EFNA5: variants seen among roughly 807,000 people sequenced by gnomAD.
EFNA5 encodes the protein ephrin A5.
Under a neutral mutation model 22.9 loss-of-function variants are expected in EFNA5, and 5 were observed. The ratio of observed to expected loss-of-function variants is 0.22; its 90% CI spans 0.11 to 0.46. The LOEUF (loss-of-function observed/expected upper bound fraction) is 0.46, where lower values mean the gene tolerates loss of function less well. EFNA5 is among the 20% of genes least tolerant of loss of function. EFNA5 has a pLI of 0.99. For missense variants in EFNA5, 237 were observed against 293.3 expected (o/e 0.81, Z 1.40); for synonymous variants, 113 against 112.2 (o/e 1.01, Z -0.04).
chr5:107,395,157 G>T (rs1747889447), intron 2 of EFNA5, among the ~76,000 whole-genome samples: 2 of 147,644 alleles, frequency 1.4e-5, no homozygotes, highest in Admixed American at 7.0e-5. Flanking sequence ...TCCTGTCTCA[G>T]CCTCCTGAGT....
chr5:107,392,346 ACT>A (rs929371494), intron 2 of EFNA5, among the ~76,000 whole-genome samples: 2 of 152,034 alleles, frequency 1.3e-5, no homozygotes, highest in African/African-American at 2.4e-5. Flanking sequence ...TCTAGTGAAC[ACT>A]CTCTCTTTTG....
At chr5:107,566,658 C>G (rs1233099850) in intron 1 of EFNA5, among the ~76,000 whole-genome samples, 1 of 152,196 alleles carries the variant, frequency 6.6e-6, no homozygotes, top group African/African-American at 2.4e-5. Flanking sequence ...ACATCACACA[C>G]TTAAAAAAAG....
At chr5:107,525,604 T>C (rs1747679281) in intron 1 of EFNA5, among the ~76,000 whole-genome samples, 1 of 152,334 alleles carries the variant, frequency 6.6e-6, no homozygotes, top group Non-Finnish European at 1.5e-5. Flanking sequence ...AGGAAAACAT[T>C]ATTAGGAAAA....
At chr5:107,640,338 A>G (rs114100237) in intron 1 of EFNA5, among the ~76,000 whole-genome samples, 1,541 of 151,670 alleles carry the variant, frequency 0.01, 25 homozygotes, top group African/African-American at 0.035. Flanking sequence ...ATGTTAAGAG[A>G]AAAAAAAAGG....
At chr5:107,574,899 G>A (rs1310272593) in intron 1 of EFNA5, among the ~76,000 whole-genome samples, 1 of 152,148 alleles carries the variant, frequency 6.6e-6, no homozygotes, top group Non-Finnish European at 1.5e-5. Context: ...AAAAAATGCA[G>A]TTGCACTAAA....
chr5:107,534,948 T>C lies in EFNA5; in HGVS notation c.126-107439A>G, dbSNP rs150478155. ...ATAAAAGCATAATGAAAGTTTGCCA[T>C]GAAGGAAAATATTCCATTTTCTTTT... On this transcript the variant is annotated intron_variant, in intron 1 of 4. Coordinates refer to ENST00000333274, the MANE Select transcript of EFNA5 (RefSeq NM_001962.3). Among the ~76,000 whole-genome samples the C allele has an allele frequency of 1.8e-3, 280 of 152,362 alleles. 1 individual carries two copies. Among genetic ancestry groups the C allele is most frequent in the South Asian group, 9.5e-3 (46 of 4,830 alleles).
chr5:107,397,084 A>ATT lies in EFNA5; in HGVS notation c.419-9314_419-9313insAA, dbSNP rs146839603. On this transcript the variant is annotated intron_variant, in intron 2 of 4. Coordinates refer to ENST00000333274, the MANE Select transcript of EFNA5 (RefSeq NM_001962.3). ...TATAAATGTTCTCACTCCACTCTTT[A>ATT]ATTTTTTTTTTTGTATACTATTTGG... 2.9e-3 allele frequency among the ~76,000 whole-genome samples: 419 copies of ATT among 142,870 alleles called. 2 individuals are homozygous for ATT. Among genetic ancestry groups the ATT allele is most frequent in the African/African-American group, 8.5e-3 (308 of 36,384 alleles). 93.7% of individuals were successfully genotyped at this position (142,870 alleles called of 152,430 possible). A position where few individuals can be genotyped will look rare whatever the true frequency, so the allele number is the denominator to read the frequency against.
chr5:107,399,293 A>AGAAG (rs200018465), intron 2 of EFNA5, among the ~76,000 whole-genome samples: 2,169 of 136,300 alleles, frequency 0.016, 66 homozygotes, highest in African/African-American at 0.06. Flanking sequence ...TCTCTACTAA[A>AGAAG]GAAGGAAGGA....
At chr5:107,439,625 C>T (rs914445128) in intron 1 of EFNA5, among the ~76,000 whole-genome samples, 17 of 152,158 alleles carry the variant, frequency 1.1e-4, no homozygotes, top group African/African-American at 3.9e-4. Flanking sequence ...TCAGCATCTA[C>T]TTGCTGCTCT....
At chr5:107,557,929 T>A (rs946113610) in intron 1 of EFNA5, among the ~76,000 whole-genome samples, 2 of 152,294 alleles carry the variant, frequency 1.3e-5, no homozygotes, top group Admixed American at 6.5e-5. Flanking sequence ...CTCAAAAATA[T>A]TATGCAAGAT....
chr5:107,546,462 T>C (rs985934221), intron 1 of EFNA5, among the ~76,000 whole-genome samples: 4 of 152,226 alleles, frequency 2.6e-5, no homozygotes, highest in Non-Finnish European at 2.9e-5. Context: ...TCTGTATTTA[T>C]TTGCACAGCA....
In EFNA5 at chr5:107,519,688, A is replaced by G. The variant is rs907778531; in HGVS notation, c.126-92179T>C. Among the ~76,000 whole-genome samples the G allele has an allele frequency of 2.6e-5, 4 of 152,376 alleles. No homozygotes were observed. In the East Asian group the frequency reaches 7.7e-4, roughly 29 times the overall value. On this transcript the variant is annotated intron_variant, in intron 1 of 4. Coordinates refer to ENST00000333274, the MANE Select transcript of EFNA5 (RefSeq NM_001962.3). ...GGAAAGCACACACTGCAGAAAATGT[A>G]AAATTAGACATCTACCTGAACACCA...
intron 1 of EFNA5, among the ~76,000 whole-genome samples, chr5:107,542,290 T>A (rs978351964): frequency 6.6e-6 from 1 of 152,160 alleles, no homozygotes; most frequent in Non-Finnish European, 1.5e-5. Context: ...AAGGAAACTG[T>A]CAAAGAATAA....
At chr5:107,610,606 C>T (rs1749806345) in intron 1 of EFNA5, among the ~76,000 whole-genome samples, 1 of 152,130 alleles carries the variant, frequency 6.6e-6, no homozygotes, top group Non-Finnish European at 1.5e-5. Context: ...AAACGTATCT[C>T]TTTTTTTAAT....
chr5:107,497,591 C>T (rs1027443086), intron 1 of EFNA5, among the ~76,000 whole-genome samples: 1 of 151,954 alleles, frequency 6.6e-6, no homozygotes, highest in Non-Finnish European at 1.5e-5. Context: ...CATCTCACGG[C>T]TACCTAGGGA....
At chr5:107,518,570 G>A (rs1431576857) in intron 1 of EFNA5, among the ~76,000 whole-genome samples, 1 of 128,058 alleles carries the variant, frequency 7.8e-6, no homozygotes, top group Non-Finnish European at 1.6e-5. Context: ...GGAAGCCGAG[G>A]TACACCATGC....
At chr5:107,486,455 A>G (rs1180269620) in intron 1 of EFNA5, among the ~76,000 whole-genome samples, 1 of 152,216 alleles carries the variant, frequency 6.6e-6, no homozygotes, top group Non-Finnish European at 1.5e-5. Context: ...GCATAACTAC[A>G]TAGTGGAGAG....
At chr5:107,405,568 T>A (rs1241581290) in intron 2 of EFNA5, among the ~76,000 whole-genome samples, 1 of 152,204 alleles carries the variant, frequency 6.6e-6, no homozygotes, top group African/African-American at 2.4e-5. Flanking sequence ...TTCTATACCA[T>A]CTGTTTGCCA....
intron 1 of EFNA5, among the ~76,000 whole-genome samples, chr5:107,499,149 T>C (rs1473843809): frequency 6.6e-6 from 1 of 152,126 alleles, no homozygotes; most frequent in Non-Finnish European, 1.5e-5. Flanking sequence ...CAAATATATA[T>C]AGGAAGATGT....
Sources: allele counts gnomAD v4.1 joint callset (sites outside exome capture counted in the v4.1 genomes callset), GRCh38; gene constraint gnomAD v4.1.1; transcripts MANE v1.5; gene names NCBI Gene and HGNC (gene_info 2026-07-23, HGNC 2026-07-21).